The following KLF8 variants were observed in gnomAD, a reference collection of about 807,000 sequenced individuals.
KLF8 encodes the protein Krueppel-like factor 8.
A neutral mutation model predicts 18.2 loss-of-function variants in KLF8; 10 were observed. The observed-to-expected ratio is 0.55, with a 90% confidence interval of 0.34 to 0.93. The LOEUF (loss-of-function observed/expected upper bound fraction) is 0.93, where lower values mean the gene tolerates loss of function less well. Ranked by LOEUF, KLF8 falls within the 40% of genes least tolerant of loss-of-function variation. KLF8 has a pLI of 0.02. For synonymous variants in KLF8, 109 were observed against 97.3 expected (o/e 1.12, Z -0.71); for missense variants, 264 against 277.9 (o/e 0.95, Z 0.36).
At chrX:56,022,698 C>T in the KLF8 span, among the ~76,000 whole-genome samples, 1 of 110,011 alleles carries the variant, frequency 9.1e-6, no homozygotes, top group African/African-American at 3.3e-5. Context: ...ATGCAAGTCA[C>T]AGTGAAAAGC....
chrX:56,247,395 G>C (rs1043700516), intron 1 of KLF8, among the ~76,000 whole-genome samples: 1 of 111,697 alleles, frequency 9.0e-6, no homozygotes, highest in Non-Finnish European at 1.9e-5. Flanking sequence ...TGAATGTTAA[G>C]GCCTAGGACA....
chrX:56,003,685 G>A, the KLF8 span, among the ~76,000 whole-genome samples: 1 of 111,721 alleles, frequency 9.0e-6, no homozygotes, highest in Non-Finnish European at 1.9e-5. Context: ...ATACCTCATT[G>A]ATTTGCATCT....
chrX:56,150,535 T>A, the KLF8 span, among the ~76,000 whole-genome samples: 1 of 111,527 alleles, frequency 9.0e-6, no homozygotes, highest in African/African-American at 3.3e-5. Flanking sequence ...GAGTAATGTA[T>A]CATCTATATC....
chrX:55,946,313 G>C, the KLF8 span, among the ~76,000 whole-genome samples: 1 of 111,247 alleles, frequency 9.0e-6, no homozygotes, highest in Non-Finnish European at 1.9e-5. Flanking sequence ...ATAGAACAGA[G>C]CCCTCAGAAA....
rs2067320684 is a variant in KLF8 at position 56,291,346 on chromosome X, C to T, written c.*6852C>T. ...CATGAGCAATCTCTCATAAACAAGT[C>T]TGTTATGCACCTGGAGATACTCAAG... On this transcript the variant is annotated 3_prime_UTR_variant, in exon 6 of 6. Coordinates refer to ENST00000468660, the MANE Select transcript of KLF8 (RefSeq NM_007250.5). Among the ~76,000 whole-genome samples the T allele has an allele frequency of 9.0e-6, 1 of 111,372 alleles. No individual in the cohort carries two copies. The highest frequency in any genetic ancestry group is 9.6e-5 in the Admixed American group (1 of 10,409).
the KLF8 span, among the ~76,000 whole-genome samples, chrX:56,220,997 T>C: frequency 8.9e-6 from 1 of 112,625 alleles, no homozygotes; most frequent in African/African-American, 3.2e-5. Context: ...AATCTGACAT[T>C]TTGGGTTTCC....
At chrX:56,088,950 G>A in the KLF8 span, among the ~76,000 whole-genome samples, 293 of 111,882 alleles carry the variant, frequency 2.6e-3, 2 homozygotes, top group Non-Finnish European at 4.1e-3. Flanking sequence ...ATTTGTGCCT[G>A]AAATATGAAC....
chrX:56,157,873 G>A, the KLF8 span, among the ~76,000 whole-genome samples: 4 of 111,449 alleles, frequency 3.6e-5, no homozygotes, highest in Non-Finnish European at 3.8e-5. Context: ...TTCTTTTGCT[G>A]TGCAGAAGCT....
chrX:56,250,970 G>A (rs2066701673), intron 2 of KLF8, among the ~76,000 whole-genome samples: 2 of 112,272 alleles, frequency 1.8e-5, no homozygotes, highest in Non-Finnish European at 3.8e-5. Context: ...ACATTATAGA[G>A]AGTAATGTGC....
chrX:56,195,779 G>A, the KLF8 span, among the ~76,000 whole-genome samples: 3 of 111,333 alleles, frequency 2.7e-5, no homozygotes, highest in Non-Finnish European at 5.7e-5. Flanking sequence ...ACACATAATT[G>A]TCAGATTCAC....
chrX:55,984,188 C>T, the KLF8 span, among the ~76,000 whole-genome samples: 3 of 109,647 alleles, frequency 2.7e-5, no homozygotes, highest in East Asian at 2.8e-4. Context: ...CATAGGTAAA[C>T]GTGTGCCAGG....
the KLF8 span, among the ~76,000 whole-genome samples, chrX:55,921,974 G>A: frequency 1.8e-5 from 2 of 112,214 alleles, 1 homozygote; most frequent in South Asian, 7.5e-4. Context: ...AACAGATGCT[G>A]GCAAAGCTGT....
At chrX:56,096,298 C>A in the KLF8 span, among the ~76,000 whole-genome samples, 6 of 110,612 alleles carry the variant, frequency 5.4e-5, no homozygotes, top group African/African-American at 1.6e-4. Context: ...ACAAAATATG[C>A]GAGGGTAGGA....
chrX:56,241,505 C>G (rs1200879781), intron 1 of KLF8, among the ~76,000 whole-genome samples: 2 of 112,231 alleles, frequency 1.8e-5, no homozygotes, highest in African/African-American at 6.5e-5. Flanking sequence ...GAATGAGACT[C>G]AAGTTTACCT....
the KLF8 span, among the ~76,000 whole-genome samples, chrX:55,990,715 A>G: frequency 8.9e-6 from 1 of 112,118 alleles, no homozygotes; most frequent in Non-Finnish European, 1.9e-5. Flanking sequence ...TTTTCCTTCT[A>G]ACAGTCAGGA....
At chrX:56,198,450 A>G in the KLF8 span, among the ~76,000 whole-genome samples, 1 of 112,115 alleles carries the variant, frequency 8.9e-6, no homozygotes, top group African/African-American at 3.2e-5. Flanking sequence ...ATTAACAGAC[A>G]AACAGAGAGC....
the KLF8 span, among the ~76,000 whole-genome samples, chrX:56,212,076 T>C: frequency 4.5e-5 from 5 of 111,417 alleles, no homozygotes; most frequent in Non-Finnish European, 9.4e-5. Context: ...CAATGGGTTG[T>C]CTTCTGGCCC....
At chrX:55,929,896 G>GT in the KLF8 span, among the ~76,000 whole-genome samples, 133 of 104,726 alleles carry the variant, frequency 1.3e-3, no homozygotes, top group Admixed American at 4.9e-3. Context: ...AATTTAAAGA[G>GT]TTTTTTTTTT....
At chrX:55,973,235 C>T in the KLF8 span, among the ~76,000 whole-genome samples, 2 of 111,858 alleles carry the variant, frequency 1.8e-5, no homozygotes, top group African/African-American at 6.5e-5. Context: ...AATGTAAGCC[C>T]TAAAGCTGTA....
Sources: gnomAD v4.1 joint callset for allele counts (sites outside exome capture counted in the v4.1 genomes callset) on GRCh38, gnomAD v4.1.1 for gene constraint, MANE v1.5 for transcripts, NCBI Gene and HGNC (gene_info 2026-07-23, HGNC 2026-07-21) for gene names.